JMJD6: variants seen among roughly 807,000 people sequenced by gnomAD.
JMJD6 encodes the protein jumonji domain containing 6, arginine demethylase and lysine hydroxylase.
JMJD6 carries 17 observed loss-of-function variants against 45.8 expected under a neutral mutation model. The observed-to-expected ratio is 0.37, with a 90% CI of 0.25 to 0.56. The LOEUF is 0.56. Ranked by LOEUF, JMJD6 falls within the 20% of genes least tolerant of loss-of-function variation. The pLI is 0.79. For synonymous variants in JMJD6, 221 were observed against 196.3 expected, an observed-to-expected ratio of 1.13 and a Z score of -1.05; for missense variants, 470 against 517.5, an observed-to-expected ratio of 0.91 and a Z score of 0.89.
Position 76,718,529 on chromosome 17 carries a change from C to A in JMJD6, c.*200G>T. 3 of 1,367,632 alleles carry A rather than the reference C, an allele frequency of 2.2e-6. No homozygotes were observed. Among genetic ancestry groups the A allele is most frequent in the Non-Finnish European group, 2.8e-6 (3 of 1,063,334 alleles). The allele number at this position is 1,367,632 out of a possible 1,614,324, so 84.7% of individuals were successfully genotyped here. On this transcript the variant is annotated 3_prime_UTR_variant, in exon 6 of 6. Coordinates refer to ENST00000397625, the MANE Select transcript of JMJD6 (RefSeq NM_015167.3). The stretch of plus-strand genomic sequence containing the variant: ...TTCACATTCTCTTGCCTGAGTAAAA[C>A]AAGCCGCGTTTATCTGCATTGGTAG...
At chr17:76,724,370 C>A (rs1362265810) in intron 2 of JMJD6, among the ~76,000 whole-genome samples, 1 of 151,998 alleles carries the variant, frequency 6.6e-6, no homozygotes, top group African/African-American at 2.4e-5. Flanking sequence ...GATCACCTGC[C>A]TCGGCCTCCC....
In JMJD6 at chr17:76,718,607, G is replaced by A. The variant is rs2076785804; in HGVS notation, c.*122C>T. 6.7e-6 allele frequency: 10 copies of A among 1,482,746 alleles called. No individual in the cohort carries two copies. Among genetic ancestry groups the A allele is most frequent in the South Asian group, 1.4e-5 (1 of 71,748 alleles). The allele number at this position is 1,482,746 out of a possible 1,614,324, so 91.8% of individuals were successfully genotyped here. On this transcript the variant is annotated 3_prime_UTR_variant, in exon 6 of 6. Transcript: ENST00000397625. ...TAAGTGAATGGGTTCCCGTGCCGAG[G>A]GTGTCCTCATTCTTGGGCTCTGTCA... is the stretch of plus-strand genomic sequence containing the variant.
At chr17:76,716,612 A>G, downstream of JMJD6, 4 of 1,339,144 alleles carry the variant, frequency 3.0e-6, no homozygotes, top group Non-Finnish European at 4.3e-6. Flanking sequence ...TAGGAGCAGA[A>G]GATGCGAGAA....
intron 3 of JMJD6, among the ~76,000 whole-genome samples, chr17:76,722,440 C>T (rs558705506): frequency 3.1e-4 from 47 of 152,294 alleles, no homozygotes; most frequent in African/African-American, 1.1e-3. Context: ...ATTTAGGCTG[C>T]GCTTGGTGGT....
chr17:76,716,637 T>C (rs184810102), downstream of JMJD6: 26 of 1,590,460 alleles, frequency 1.6e-5, no homozygotes, highest in East Asian at 5.1e-4. Context: ...GTTGGGTGGC[T>C]GCCAAAAGCT....
At chr17:76,715,269 C>T (rs1443457523), downstream of JMJD6, 1 of 152,184 alleles carries the variant, frequency 6.6e-6, no homozygotes, top group Non-Finnish European at 1.5e-5. Flanking sequence ...TTACTCACAC[C>T]CAAACACATC....
At chr17:76,724,160 AC>A in intron 2 of JMJD6, 102 bp from the exon 3 acceptor site, 1 of 1,308,384 alleles carries the variant, frequency 7.6e-7, no homozygotes, top group Non-Finnish European at 1.1e-6. Context: ...TTGCTCTATC[AC>A]CCAGGCTGGA....
downstream of JMJD6, chr17:76,716,837 G>C: frequency 1.0e-6 from 1 of 975,742 alleles, no homozygotes; most frequent in South Asian, 1.3e-5. Context: ...AGTCATGGCA[G>C]GGCTTTCTCC....
At position 76,723,945 on chromosome 17, in the gene JMJD6, G is replaced by A; in HGVS notation, c.632C>T (p.Thr211Ile). The change falls in exon 3 of 6, where the codon ACC becomes ATC. Residue 211 changes from threonine to isoleucine, a missense_variant. Thr to Ile is a moderately conservative substitution (Grantham distance 89, BLOSUM62 -1). Transcript: ENST00000397625. ...QGHKRWCLFP[T>I]STPRELIKVT... ...TTTGATGAGTTCCCTGGGAGTGCTG[G>A]TAGGAAACAGGCACCAGCGCTTGTG... The A allele has an allele frequency of 6.2e-7, 1 of 1,614,036 alleles. No individual in the cohort carries two copies. Among genetic ancestry groups the A allele is most frequent in the East Asian group, 2.2e-5 (1 of 44,882 alleles).
At chr17:76,721,663 C>G (rs2076826160) in intron 4 of JMJD6, 135 bp downstream of exon 4, 1 of 986,350 alleles carries the variant, frequency 1.0e-6, no homozygotes, top group Non-Finnish European at 1.5e-6. Flanking sequence ...CTCTCCTCTA[C>G]CCAGAGGGTC....
In JMJD6 at chr17:76,725,744, C is replaced by T. The variant is rs765938690; in HGVS notation, c.241G>A (p.Ala81Thr). The T allele has an allele frequency of 1.2e-6, 2 of 1,614,182 alleles. No individual in the cohort carries two copies. The highest frequency in any genetic ancestry group is 1.1e-5 in the South Asian group (1 of 91,090). ...VLLNAQEGWS[A>T]QEKWTLERLK... Reference sequence around the variant, plus strand: ...CGCTCCAGAGTCCATTTCTCCTGCGCAGACCAGCCCTCTTGCGCATTCAAC... The same window carrying T: ...CGCTCCAGAGTCCATTTCTCCTGCGTAGACCAGCCCTCTTGCGCATTCAAC... The change falls in exon 2 of 6, where the codon GCG becomes ACG. Residue 81 changes from alanine to threonine, a missense_variant. Ala to Thr is a moderately conservative substitution (Grantham distance 58, BLOSUM62 0). Around this residue, in one of 4 missense-constraint regions of JMJD6, gnomAD observed 346 missense variants for 339.5 expected, o/e 1.02. Coordinates refer to ENST00000397625, the MANE Select transcript of JMJD6 (RefSeq NM_015167.3).
intron 5 of JMJD6, 97 bp downstream of exon 5, chr17:76,720,263 C>T: frequency 8.6e-7 from 1 of 1,158,648 alleles, no homozygotes; most frequent in Non-Finnish European, 1.3e-6. Flanking sequence ...CTTTCATATC[C>T]TTCTCCTGGA....
chr17:76,722,114 C>T (rs534590065), intron 3 of JMJD6, among the ~76,000 whole-genome samples, 181 bp from the exon 4 acceptor site: 3 of 152,316 alleles, frequency 2.0e-5, no homozygotes, highest in South Asian at 2.1e-4. Flanking sequence ...CAAGTTTTAT[C>T]GGAGCACAGC....
At chr17:76,716,504 A>C (rs2076765141), downstream of JMJD6, 1 of 591,714 alleles carries the variant, frequency 1.7e-6, no homozygotes, top group Admixed American at 3.1e-5. Flanking sequence ...ATTTCTTGAT[A>C]ATCTATCCTT....
intron 4 of JMJD6, chr17:76,721,197 C>T: frequency 7.0e-6 from 2 of 286,342 alleles, no homozygotes; most frequent in South Asian, 2.7e-5. Flanking sequence ...GAACAGAAGC[C>T]ACCACCCTTA....
chr17:76,726,040 C>G (rs1026054061), intron 1 of JMJD6, among the ~76,000 whole-genome samples, 185 bp from the exon 2 acceptor site: 1 of 152,240 alleles, frequency 6.6e-6, no homozygotes, highest in Admixed American at 6.5e-5. Flanking sequence ...CCCCCATGAG[C>G]CTTGACAGCC....
At chr17:76,724,152 G>T in intron 2 of JMJD6, 94 bp from the exon 3 acceptor site, 1 of 1,361,622 alleles carries the variant, frequency 7.3e-7, no homozygotes, top group Non-Finnish European at 1.0e-6. Flanking sequence ...TGAGAGTCTT[G>T]CTCTATCACC....
intron 5 of JMJD6, among the ~76,000 whole-genome samples, chr17:76,719,659 G>C (rs1355432246): frequency 6.6e-6 from 1 of 152,210 alleles, no homozygotes; most frequent in African/African-American, 2.4e-5. Context: ...TCAAGTTTAA[G>C]GTTACTGGAT....
Position 76,720,243 on chromosome 17 carries a change from C to T in JMJD6, c.1080+117G>A, listed in dbSNP as rs560714858. 642 of 951,806 alleles carry T rather than the reference C, an allele frequency of 6.7e-4. 6 individuals are homozygous for T. The Admixed American group carries it at 0.012, about 18-fold the overall frequency. The allele number at this position is 951,806 out of a possible 1,614,324, so 59.0% of individuals were successfully genotyped here. A position where few individuals can be genotyped will look rare whatever the true frequency, so the allele number is the denominator to read the frequency against. On this transcript the variant is annotated intron_variant, in intron 5 of 5. Coordinates refer to ENST00000397625, the MANE Select transcript of JMJD6 (RefSeq NM_015167.3). Reference sequence around the variant, plus strand: ...GACAACTGTGTAACCCTTAGAACAACGTGGAAAAACTTTCATATCCTTCTC... The same window carrying T: ...GACAACTGTGTAACCCTTAGAACAATGTGGAAAAACTTTCATATCCTTCTC...
Sources: allele counts gnomAD v4.1 joint callset (sites outside exome capture counted in the v4.1 genomes callset), GRCh38; gene constraint gnomAD v4.1.1; regional missense constraint gnomAD v4.1.1; transcripts MANE v1.5; gene names NCBI Gene and HGNC (gene_info 2026-07-23, HGNC 2026-07-21).